ARMH1: variants seen among roughly 807,000 people sequenced by gnomAD.
The protein encoded by ARMH1 is armadillo like helical domain containing 1, also known as armadillo-like helical domain containing protein 1.
In ARMH1, 34 loss-of-function variants were observed where a neutral mutation model predicts 50.2. The observed-to-expected ratio is 0.68, with a 90% CI of 0.51 to 0.90. ARMH1 has a LOEUF of 0.90. Among genes scored for constraint, ARMH1 ranks in the 40% least tolerant of loss-of-function variants. The pLI, the probability that ARMH1 is intolerant of heterozygous loss-of-function variation, is 0.00. For synonymous variants in ARMH1, 221 were observed against 224.2 expected, an observed-to-expected ratio of 0.99 and a Z score of 0.13; for missense variants, 538 against 553.9, an observed-to-expected ratio of 0.97 and a Z score of 0.29.
At chr1:44,717,141 G>A (rs781333146) in intron 6 of ARMH1, among the ~76,000 whole-genome samples, 54 of 152,126 alleles carry the variant, frequency 3.5e-4, no homozygotes, top group Non-Finnish European at 6.9e-4. Flanking sequence ...GAGCCACCGC[G>A]CCCGGCCTGA....
rs567305808 is a variant in ARMH1, at chr1:44,709,586, A to G, written c.724+5413A>G. 3.4e-4 allele frequency among the ~76,000 whole-genome samples: 51 copies of G among 151,774 alleles called. No individual in the cohort carries two copies. The East Asian group carries it at 4.8e-3, about 14-fold the overall frequency. On this transcript the variant is annotated intron_variant, in intron 6 of 11. Transcript: ENST00000535358. Reference sequence around the variant, plus strand: ...ACACGGGAGGCTGAGGCAGGAGAATAGCTTGAACCCAGGAGGTGGAGGTTG... The same window carrying G: ...ACACGGGAGGCTGAGGCAGGAGAATGGCTTGAACCCAGGAGGTGGAGGTTG...
chr1:44,709,401 G>T (rs534077018), intron 6 of ARMH1, among the ~76,000 whole-genome samples: 2 of 152,154 alleles, frequency 1.3e-5, no homozygotes, highest in South Asian at 2.1e-4. Flanking sequence ...AGGCAGGCGC[G>T]GTGGCTCACG....
Position 44,724,692 on chromosome 1 carries a change from G to A in ARMH1, c.1050+24G>A. The A allele has an allele frequency of 6.8e-7, 1 of 1,480,346 alleles. No homozygotes were observed. The highest frequency in any genetic ancestry group is 8.9e-7 in the Non-Finnish European group (1 of 1,122,970). The allele number at this position is 1,480,346 out of a possible 1,614,324, so 91.7% of individuals were successfully genotyped here. ...AGGTGCGCGCGGCGGCTGGTTAGGG[G>A]GCGGGAAGGGCGGCGGCACCCGCAG... On this transcript the variant is annotated intron_variant, in intron 9 of 11. Coordinates refer to ENST00000535358, the MANE Select transcript of ARMH1 (RefSeq NM_001145636.2). The surrounding 1 kb of genome is among the most constrained non-coding windows in gnomAD (Gnocchi z 6.4).
intron 1 of ARMH1, among the ~76,000 whole-genome samples, chr1:44,680,004 C>T (rs1406046880): frequency 6.6e-6 from 1 of 152,230 alleles, no homozygotes; most frequent in African/African-American, 2.4e-5. Context: ...CTGCAAACCC[C>T]TAGTTGTCCC....
intron 5 of ARMH1, among the ~76,000 whole-genome samples, chr1:44,703,193 A>G (rs1191041071): frequency 6.6e-6 from 1 of 152,166 alleles, no homozygotes; most frequent in East Asian, 1.9e-4. Flanking sequence ...AGGATCTTGA[A>G]TGAGTTCCAT....
chr1:44,692,294 C>T (rs569991152), intron 2 of ARMH1, among the ~76,000 whole-genome samples: 1 of 152,268 alleles, frequency 6.6e-6, no homozygotes, highest in South Asian at 2.1e-4. Context: ...TGACCAACTC[C>T]TACTCTATTA....
At chr1:44,701,572 G>A (rs553291303) in intron 5 of ARMH1, among the ~76,000 whole-genome samples, 6 of 151,898 alleles carry the variant, frequency 4.0e-5, no homozygotes, top group South Asian at 2.1e-4. Flanking sequence ...TTTGGGGCAC[G>A]GTGAGCATAC....
rs1305968193 is a variant in ARMH1 at position 44,724,289 on chromosome 1, G to A, written c.848-31G>A. The A allele has an allele frequency of 6.4e-6, 10 of 1,550,852 alleles. No individual in the cohort carries two copies. In the South Asian group the frequency reaches 1.1e-4, roughly 17 times the overall value. On this transcript the variant is annotated intron_variant, in intron 7 of 11. Coordinates refer to ENST00000535358, the MANE Select transcript of ARMH1 (RefSeq NM_001145636.2). The surrounding 1 kb of genome is among the most constrained non-coding windows in gnomAD (Gnocchi z 6.4). ...GGGCTGCCTGGGCCACGGGAGGGCG[G>A]TCTCTTGCCTCACGGCTGCCCCCTC... is the stretch of plus-strand genomic sequence containing the variant.
chr1:44,722,084 C>A (rs924927306), intron 6 of ARMH1, among the ~76,000 whole-genome samples: 2 of 152,128 alleles, frequency 1.3e-5, no homozygotes, highest in Non-Finnish European at 2.9e-5. Context: ...AAACAGATAA[C>A]CCTGGTAATA....
At chr1:44,700,436 T>G (rs906961791) in intron 4 of ARMH1, among the ~76,000 whole-genome samples, 1 of 151,942 alleles carries the variant, frequency 6.6e-6, no homozygotes, top group African/African-American at 2.4e-5. Flanking sequence ...GCTAACACTG[T>G]GAAACCCTGT....
intron 6 of ARMH1, chr1:44,721,867 G>GA (rs1647251245): frequency 6.6e-6 from 1 of 152,060 alleles, no homozygotes; most frequent in Admixed American, 6.6e-5. Flanking sequence ...AGTAAAAGGC[G>GA]AAAGATTTAT....
At chr1:44,684,167 G>C (rs1427874710) in intron 1 of ARMH1, among the ~76,000 whole-genome samples, 1 of 152,152 alleles carries the variant, frequency 6.6e-6, no homozygotes, top group African/African-American at 2.4e-5. Context: ...AACAAGCTTA[G>C]ATACAATTTA....
At chr1:44,699,090 G>C (rs543004234) in intron 4 of ARMH1, among the ~76,000 whole-genome samples, 1 of 152,104 alleles carries the variant, frequency 6.6e-6, no homozygotes, top group Admixed American at 6.5e-5. Flanking sequence ...AGACCATCCT[G>C]GCTAACACGG....
Position 44,725,188 on chromosome 1 carries a change from T to G in ARMH1, c.1181T>G (p.Leu394Trp). The change falls in exon 11 of 12, where the codon TTG (leucine) becomes TGG (tryptophan). Residue 394 changes from leucine to tryptophan, a missense_variant. Coordinates refer to ENST00000535358, the MANE Select transcript of ARMH1 (RefSeq NM_001145636.2). ...MKIDSIQADI[L>W]AANTVNVTKA... ...ATAGACAGCATTCAGGCGGACATCT[T>G]GGCGGCCAACACAGTCAATGTTACC... The G allele has an allele frequency of 1.3e-6, 2 of 1,552,034 alleles. No individual in the cohort carries two copies. Among genetic ancestry groups the G allele is most frequent in the South Asian group, 1.2e-5 (1 of 84,060 alleles).
At chr1:44,723,988 C>G in intron 6 of ARMH1, 134 bp from the exon 7 acceptor site, 1 of 1,175,056 alleles carries the variant, frequency 8.5e-7, no homozygotes, top group South Asian at 1.8e-5. Flanking sequence ...TTCCCAGCTC[C>G]CCCACGCCCT....
intron 5 of ARMH1, among the ~76,000 whole-genome samples, chr1:44,701,849 G>C (rs1646096382): frequency 6.6e-6 from 1 of 151,808 alleles, no homozygotes; most frequent in Admixed American, 6.6e-5. Context: ...GGATGGCTTA[G>C]CCTGAGAGGC....
chr1:44,680,598 GTAGT>G (rs1213436860), intron 1 of ARMH1, among the ~76,000 whole-genome samples: 1 of 152,228 alleles, frequency 6.6e-6, no homozygotes. Flanking sequence ...TACGGAAAAA[GTAGT>G]TAGGAGATGG....
chr1:44,704,627 T>C (rs562506459), intron 6 of ARMH1, among the ~76,000 whole-genome samples: 6 of 151,582 alleles, frequency 4.0e-5, no homozygotes, highest in Non-Finnish European at 8.8e-5. Flanking sequence ...TTCTCCCTCC[T>C]CAACCTCCCA....
intron 6 of ARMH1, among the ~76,000 whole-genome samples, chr1:44,719,241 T>TG (rs1646983397): frequency 1.4e-5 from 1 of 71,414 alleles, no homozygotes; most frequent in African/African-American, 1.5e-4. Context: ...AAAACTAGCT[T>TG]TTATAGGGCT....
Sources: gnomAD v4.1 joint callset for allele counts (sites outside exome capture counted in the v4.1 genomes callset) on GRCh38, gnomAD v4.1.1 for gene constraint, Gnocchi (gnomAD v3.1) non-coding constraint, MANE v1.5 for transcripts, NCBI Gene and HGNC (gene_info 2026-07-23, HGNC 2026-07-21) for gene names.